The following CLSTN2 variants were observed in gnomAD, a reference collection of about 807,000 sequenced individuals.
CLSTN2 encodes calsyntenin 2.
A neutral mutation model predicts 101.2 loss-of-function variants in CLSTN2; 48 were observed. The ratio of observed to expected loss-of-function variants is 0.47; its 90% CI spans 0.38 to 0.60. The LOEUF is 0.60. CLSTN2 is among the 20% of genes least tolerant of loss of function. The pLI is 0.00. For missense variants in CLSTN2, 1,160 were observed against 1,238.2 expected, an observed-to-expected ratio of 0.94 and a Z score of 0.95; for synonymous variants, 481 against 463.6, an observed-to-expected ratio of 1.04 and a Z score of -0.48.
chr3:140,372,416 T>C (rs910481546), intron 2 of CLSTN2, among the ~76,000 whole-genome samples: 1 of 152,220 alleles, frequency 6.6e-6, no homozygotes, highest in African/African-American at 2.4e-5. Context: ...GTATTTCCTC[T>C]TTCTGGATGC....
intron 4 of CLSTN2, among the ~76,000 whole-genome samples, chr3:140,405,638 G>A (rs984654573): frequency 6.6e-6 from 1 of 152,126 alleles, no homozygotes; most frequent in African/African-American, 2.4e-5. Flanking sequence ...GACTGAACAA[G>A]ACTGGAAGCA....
At chr3:140,056,709 G>C (rs907902081) in intron 1 of CLSTN2, among the ~76,000 whole-genome samples, 5 of 152,120 alleles carry the variant, frequency 3.3e-5, no homozygotes, top group Non-Finnish European at 5.9e-5. Context: ...CTACAGTTGT[G>C]GACCTAAACT....
chr3:140,368,565 G>A (rs1010804368), intron 2 of CLSTN2, among the ~76,000 whole-genome samples: 10 of 152,194 alleles, frequency 6.6e-5, no homozygotes, highest in African/African-American at 1.7e-4. Context: ...GTTCCTGCCC[G>A]ATCCCCTGTG....
chr3:140,365,638 T>C (rs145597475), intron 2 of CLSTN2, among the ~76,000 whole-genome samples: 1 of 152,152 alleles, frequency 6.6e-6, no homozygotes, highest in African/African-American at 2.4e-5. Flanking sequence ...ACACAGATGG[T>C]AAATGGTGGT....
At chr3:139,970,157 A>C (rs1055540022) in intron 1 of CLSTN2, among the ~76,000 whole-genome samples, 4 of 152,166 alleles carry the variant, frequency 2.6e-5, no homozygotes, top group Non-Finnish European at 5.9e-5. Context: ...TGGCTTGGAC[A>C]TCAGAATTTT....
chr3:140,230,274 T>G (rs911839576), intron 2 of CLSTN2, among the ~76,000 whole-genome samples: 3 of 152,114 alleles, frequency 2.0e-5, no homozygotes, highest in African/African-American at 7.2e-5. Context: ...TCTATGGCAG[T>G]GTTGTGTGGT....
chr3:140,288,565 C>G (rs1260000266), intron 2 of CLSTN2, among the ~76,000 whole-genome samples: 4 of 152,094 alleles, frequency 2.6e-5, no homozygotes, highest in Non-Finnish European at 5.9e-5. Context: ...TTCAGATTCC[C>G]AAGTCCAAGA....
At chr3:140,023,456 G>A (rs1171953930) in intron 1 of CLSTN2, among the ~76,000 whole-genome samples, 1 of 152,186 alleles carries the variant, frequency 6.6e-6, no homozygotes, top group Non-Finnish European at 1.5e-5. Flanking sequence ...TTCAGAGTGA[G>A]GAGGACTGAC....
At chr3:140,090,948 G>A (rs1433198079) in intron 1 of CLSTN2, among the ~76,000 whole-genome samples, 4 of 152,162 alleles carry the variant, frequency 2.6e-5, no homozygotes, top group African/African-American at 9.7e-5. Flanking sequence ...AAGAGAAGGT[G>A]TATTGCATGT....
At chr3:140,200,389 G>T (rs1314004651) in intron 2 of CLSTN2, among the ~76,000 whole-genome samples, 1 of 152,102 alleles carries the variant, frequency 6.6e-6, no homozygotes, top group Admixed American at 6.5e-5. Context: ...TAGACTCCAC[G>T]TAATGACCGC....
At chr3:140,033,025 C>T (rs1013422990) in intron 1 of CLSTN2, among the ~76,000 whole-genome samples, 11 of 152,050 alleles carry the variant, frequency 7.2e-5, no homozygotes, top group African/African-American at 2.7e-4. Flanking sequence ...AACATGAGCC[C>T]CTTCACCTTT....
chr3:140,082,049 G>A (rs2008607303), intron 1 of CLSTN2, among the ~76,000 whole-genome samples: 1 of 152,132 alleles, frequency 6.6e-6, no homozygotes, highest in African/African-American at 2.4e-5. Flanking sequence ...GCCTATTAGA[G>A]GTGCTAAAAC....
chr3:140,487,109 C>A (rs943751100), intron 8 of CLSTN2, among the ~76,000 whole-genome samples: 3 of 152,132 alleles, frequency 2.0e-5, no homozygotes, highest in African/African-American at 7.2e-5. Flanking sequence ...ACAGAAAAAT[C>A]ACTCTCTATT....
intron 8 of CLSTN2, among the ~76,000 whole-genome samples, chr3:140,475,590 C>T (rs1038242038): frequency 6.6e-6 from 1 of 152,220 alleles, no homozygotes; most frequent in Admixed American, 6.5e-5. Context: ...TACCCACTTC[C>T]CCTGCTTTCT....
chr3:140,340,788 T>C (rs542478308), intron 2 of CLSTN2, among the ~76,000 whole-genome samples: 1 of 152,336 alleles, frequency 6.6e-6, no homozygotes, highest in East Asian at 1.9e-4. Context: ...ACATTCCATT[T>C]AGCTGTCACG....
At chr3:140,475,623 T>TTA (rs1933966248) in intron 8 of CLSTN2, among the ~76,000 whole-genome samples, 1 of 152,198 alleles carries the variant, frequency 6.6e-6, no homozygotes, top group Non-Finnish European at 1.5e-5. Flanking sequence ...GAGTCTAAGG[T>TTA]TATATCACTG....
Position 140,535,745 on chromosome 3 carries a change from G to A in CLSTN2, c.1507+3259G>A, listed in dbSNP as rs991495549. On this transcript the variant is annotated intron_variant, in intron 9 of 16. Coordinates refer to ENST00000458420, the MANE Select transcript of CLSTN2 (RefSeq NM_022131.3). ...GTTATTCGTCACAATTTGTAGATAA[G>A]GAAACTGAGGCTCAGAGATGAAGGG... Among the ~76,000 whole-genome samples, 14 of 152,312 alleles carry A rather than the reference G, an allele frequency of 9.2e-5. 1 individual carries two copies. In the East Asian group the frequency reaches 2.7e-3, roughly 29 times the overall value.
At chr3:140,396,215 C>T (rs968331910) in intron 2 of CLSTN2, among the ~76,000 whole-genome samples, 2 of 152,126 alleles carry the variant, frequency 1.3e-5, no homozygotes, top group African/African-American at 4.8e-5. Context: ...AAACTCTCCC[C>T]GTGGGAGCAG....
chr3:140,165,285 C>T (rs1438237590), intron 1 of CLSTN2, among the ~76,000 whole-genome samples: 2 of 152,142 alleles, frequency 1.3e-5, no homozygotes, highest in Non-Finnish European at 2.9e-5. Context: ...AATACCTACT[C>T]ATTGGAATCA....
Sources: gnomAD v4.1 joint callset for allele counts (sites outside exome capture counted in the v4.1 genomes callset) on GRCh38, gnomAD v4.1.1 for gene constraint, MANE v1.5 for transcripts, NCBI Gene and HGNC (gene_info 2026-07-23, HGNC 2026-07-21) for gene names.